The following ACTR3C variants were observed in gnomAD, a reference collection of about 807,000 sequenced individuals.
ACTR3C encodes actin-related protein 3C.
Under a neutral mutation model 26.3 loss-of-function variants are expected in ACTR3C, and 18 were observed. The observed-to-expected ratio is 0.68, with a 90% CI of 0.47 to 1.01. The LOEUF is 1.01. Ranked by LOEUF, ACTR3C falls within the 50% of genes least tolerant of loss-of-function variation. The pLI, the probability that ACTR3C is intolerant of heterozygous loss-of-function variation, is 0.00. For synonymous variants in ACTR3C, 55 were observed against 94.5 expected (o/e 0.58, Z 2.42); for missense variants, 184 against 250.7 (o/e 0.73, Z 1.80).
chr7:150,036,857 T>TA, the ACTR3C span, among the ~76,000 whole-genome samples: 5 of 117,172 alleles, frequency 4.3e-5, 1 homozygote, highest in Non-Finnish European at 8.0e-5. Flanking sequence ...TGGGGGGTCC[T>TA]AAGCCAGGGG....
At chr7:150,072,710 G>A in the ACTR3C span, among the ~76,000 whole-genome samples, 74 of 152,158 alleles carry the variant, frequency 4.9e-4, no homozygotes, top group African/African-American at 1.7e-3. Flanking sequence ...AGGCAGGCAG[G>A]CAGGCAGGCA....
chr7:150,206,669 G>A, the ACTR3C span, among the ~76,000 whole-genome samples: 2 of 151,906 alleles, frequency 1.3e-5, no homozygotes, highest in South Asian at 2.1e-4. Flanking sequence ...TGATCCACAC[G>A]CCTTGGCCTC....
At chr7:150,159,648 A>G in the ACTR3C span, among the ~76,000 whole-genome samples, 3 of 152,198 alleles carry the variant, frequency 2.0e-5, no homozygotes, top group African/African-American at 4.8e-5. Flanking sequence ...AACTTTCAGG[A>G]AAGAGTGGCA....
the ACTR3C span, among the ~76,000 whole-genome samples, chr7:150,058,426 A>G: frequency 1.5e-4 from 23 of 152,184 alleles, no homozygotes; most frequent in Non-Finnish European, 2.6e-4. Flanking sequence ...CCACAAGTTA[A>G]GGGTGTCCAC....
the ACTR3C span, among the ~76,000 whole-genome samples, chr7:150,092,999 G>A: frequency 0.032 from 4,898 of 151,490 alleles, 414 homozygotes; most frequent in African/African-American, 0.11. Context: ...TGAGATGTAG[G>A]GAGCGTTGGC....
At chr7:150,085,384 T>C in the ACTR3C span, among the ~76,000 whole-genome samples, 1 of 151,372 alleles carries the variant, frequency 6.6e-6, no homozygotes, top group African/African-American at 2.4e-5. Context: ...GTTGAGGAAA[T>C]GGAAAAAGGA....
chr7:150,129,462 A>G, the ACTR3C span, among the ~76,000 whole-genome samples: 1 of 152,212 alleles, frequency 6.6e-6, no homozygotes, highest in Non-Finnish European at 1.5e-5. Context: ...TGATTTGCAG[A>G]TAAAATGAAC....
the ACTR3C span, among the ~76,000 whole-genome samples, chr7:150,149,812 A>G: frequency 1.3e-5 from 2 of 152,126 alleles, no homozygotes; most frequent in South Asian, 2.1e-4. Context: ...TCCCTTCCCA[A>G]TGAGGTTATA....
At chr7:149,887,725 C>T in the ACTR3C span, among the ~76,000 whole-genome samples, 1 of 152,118 alleles carries the variant, frequency 6.6e-6, no homozygotes, top group Non-Finnish European at 1.5e-5. Context: ...TTGGCTGTGC[C>T]CCCACCCAAA....
chr7:150,185,479 C>G, the ACTR3C span, among the ~76,000 whole-genome samples: 1 of 129,116 alleles, frequency 7.7e-6, no homozygotes, highest in South Asian at 2.6e-4. Context: ...TGACTGAATT[C>G]GTTTATTTTC....
At chr7:149,982,173 G>C in the ACTR3C span, among the ~76,000 whole-genome samples, 1 of 152,162 alleles carries the variant, frequency 6.6e-6, no homozygotes, top group Non-Finnish European at 1.5e-5. Flanking sequence ...CATCAGTATG[G>C]AGAGTGCAGC....
At chr7:150,041,726 C>G in the ACTR3C span, among the ~76,000 whole-genome samples, 2 of 116,140 alleles carry the variant, frequency 1.7e-5, no homozygotes, top group African/African-American at 3.5e-5. Flanking sequence ...GCCTCCCCCT[C>G]CTGCGATGGG....
the ACTR3C span, among the ~76,000 whole-genome samples, chr7:150,196,573 C>T: frequency 6.6e-6 from 1 of 152,160 alleles, no homozygotes; most frequent in Admixed American, 6.5e-5. Context: ...CTAAGTGGTT[C>T]TTTTGATTGC....
At chr7:150,232,871 A>T in the ACTR3C span, among the ~76,000 whole-genome samples, 1 of 151,902 alleles carries the variant, frequency 6.6e-6, no homozygotes, top group South Asian at 2.1e-4. Flanking sequence ...TGAGTTTCCA[A>T]CATACATTTT....
the ACTR3C span, among the ~76,000 whole-genome samples, chr7:149,956,742 T>A: frequency 6.6e-6 from 1 of 151,936 alleles, no homozygotes; most frequent in African/African-American, 2.4e-5. Context: ...AGTGAGCTCC[T>A]TGAGTGCACA....
At chr7:149,925,031 T>C in the ACTR3C span, among the ~76,000 whole-genome samples, 73,826 of 150,868 alleles carry the variant, frequency 0.49, 18,188 homozygotes, top group Admixed American at 0.52. Flanking sequence ...AATGAGTAAC[T>C]ACCATGAAAA....
At chr7:150,190,406 C>T in the ACTR3C span, among the ~76,000 whole-genome samples, 2 of 152,172 alleles carry the variant, frequency 1.3e-5, no homozygotes, top group Non-Finnish European at 2.9e-5. Flanking sequence ...GTTAGTGATT[C>T]TTTCCTTTTA....
chr7:150,164,120 G>A, the ACTR3C span, among the ~76,000 whole-genome samples: 2 of 152,066 alleles, frequency 1.3e-5, no homozygotes, highest in East Asian at 1.9e-4. Context: ...GGAGAGATGC[G>A]GGCACGCTGG....
At chr7:150,221,707 C>A in the ACTR3C span, among the ~76,000 whole-genome samples, 1 of 152,158 alleles carries the variant, frequency 6.6e-6, no homozygotes, top group African/African-American at 2.4e-5. Flanking sequence ...AGAAGTACAT[C>A]CCCTTGGCCG....
Sources: allele counts gnomAD v4.1 joint callset (sites outside exome capture counted in the v4.1 genomes callset), GRCh38; gene constraint gnomAD v4.1.1; transcripts MANE v1.5; gene names NCBI Gene and HGNC (gene_info 2026-07-23, HGNC 2026-07-21).